The following MAF variants were observed in gnomAD, a reference collection of about 807,000 sequenced individuals.
The protein encoded by MAF is MAF bZIP transcription factor, also known as transcription factor Maf.
MAF carries 10 observed loss-of-function variants against 22.0 expected under a neutral mutation model. The observed-to-expected ratio is 0.45, with a 90% CI of 0.28 to 0.77. The LOEUF (loss-of-function observed/expected upper bound fraction) is 0.77. MAF is among the 30% of genes least tolerant of loss of function. MAF has a pLI of 0.12. For synonymous variants in MAF, 337 were observed against 255.8 expected, an observed-to-expected ratio of 1.32 and a Z score of -3.03; for missense variants, 544 against 548.4, an observed-to-expected ratio of 0.99 and a Z score of 0.08.
the MAF span, among the ~76,000 whole-genome samples, chr16:79,481,234 GT>G: frequency 0.022 from 3,256 of 148,378 alleles, 123 homozygotes; most frequent in African/African-American, 0.076. Context: ...TTCCACAACA[GT>G]TTTTTTTTTT....
chr16:79,541,806 C>T, the MAF span, among the ~76,000 whole-genome samples: 2 of 152,018 alleles, frequency 1.3e-5, no homozygotes, highest in East Asian at 3.9e-4. Flanking sequence ...AAGGCAGGCA[C>T]CACCACGCCC....
At chr16:79,352,843 A>T in the MAF span, among the ~76,000 whole-genome samples, 1 of 152,216 alleles carries the variant, frequency 6.6e-6, no homozygotes, top group Non-Finnish European at 1.5e-5. Context: ...ACGTCCCTAG[A>T]CATTGCAAAA....
chr16:79,215,997 C>G, the MAF span, among the ~76,000 whole-genome samples: 1 of 152,218 alleles, frequency 6.6e-6, no homozygotes, highest in African/African-American at 2.4e-5. Context: ...ACACATCAAT[C>G]TTATTTCCTT....
chr16:79,460,576 A>C, the MAF span, among the ~76,000 whole-genome samples: 1 of 152,314 alleles, frequency 6.6e-6, no homozygotes, highest in South Asian at 2.1e-4. Context: ...GGGATAAAAA[A>C]ATCCATTTGC....
the MAF span, among the ~76,000 whole-genome samples, chr16:79,548,937 T>A: frequency 6.6e-6 from 1 of 152,210 alleles, no homozygotes; most frequent in Non-Finnish European, 1.5e-5. Context: ...TAGCTAGTTA[T>A]TCTGTGCACC....
chr16:79,551,099 C>A, the MAF span, among the ~76,000 whole-genome samples: 1 of 152,144 alleles, frequency 6.6e-6, no homozygotes, highest in Admixed American at 6.5e-5. Flanking sequence ...AGGACCTCAC[C>A]CTAGTCTCCT....
At chr16:79,410,129 CTG>C in the MAF span, among the ~76,000 whole-genome samples, 5 of 152,216 alleles carry the variant, frequency 3.3e-5, no homozygotes, top group Non-Finnish European at 7.3e-5. Context: ...AGTGTTCAAA[CTG>C]TGTTCAAATA....
the MAF span, among the ~76,000 whole-genome samples, chr16:79,565,362 T>A: frequency 6.6e-6 from 1 of 152,176 alleles, no homozygotes; most frequent in African/African-American, 2.4e-5. Context: ...ATTGACTACC[T>A]GGCCATTTAC....
chr16:79,339,539 G>C, the MAF span, among the ~76,000 whole-genome samples: 1 of 152,164 alleles, frequency 6.6e-6, no homozygotes, highest in Non-Finnish European at 1.5e-5. Flanking sequence ...CAGACTCTTA[G>C]GGGAGAGAGA....
chr16:79,563,250 G>C, the MAF span, among the ~76,000 whole-genome samples: 1 of 152,168 alleles, frequency 6.6e-6, no homozygotes, highest in Non-Finnish European at 1.5e-5. Flanking sequence ...TTAGTGCATC[G>C]TCTCATGTGA....
chr16:79,520,632 G>A, the MAF span, among the ~76,000 whole-genome samples: 1 of 152,270 alleles, frequency 6.6e-6, no homozygotes, highest in Non-Finnish European at 1.5e-5. Flanking sequence ...ATGCTGTTCT[G>A]GCAGTGCTAG....
the MAF span, among the ~76,000 whole-genome samples, chr16:79,384,282 A>G: frequency 6.6e-6 from 1 of 151,944 alleles, no homozygotes; most frequent in African/African-American, 2.4e-5. Context: ...CATCTATACT[A>G]AAAACATAAC....
chr16:79,429,025 T>C, the MAF span, among the ~76,000 whole-genome samples: 132 of 152,172 alleles, frequency 8.7e-4, no homozygotes, highest in African/African-American at 3.1e-3. Context: ...AGTCCATCCT[T>C]GGGCAAGCAT....
chr16:79,233,778 G>A, the MAF span, among the ~76,000 whole-genome samples: 1 of 151,976 alleles, frequency 6.6e-6, no homozygotes, highest in Non-Finnish European at 1.5e-5. Context: ...CGGATCACAA[G>A]GTCAGGAGTT....
At chr16:79,530,814 T>C in the MAF span, among the ~76,000 whole-genome samples, 12 of 152,214 alleles carry the variant, frequency 7.9e-5, no homozygotes, top group African/African-American at 2.7e-4. Flanking sequence ...TTAATTGTTA[T>C]CCTGGAGATA....
the MAF span, among the ~76,000 whole-genome samples, chr16:79,356,439 C>A: frequency 1.3e-5 from 2 of 152,138 alleles, no homozygotes; most frequent in Non-Finnish European, 2.9e-5. Flanking sequence ...TGCTATAGAA[C>A]CTTCCCAGCC....
the MAF span, among the ~76,000 whole-genome samples, chr16:79,524,180 G>A: frequency 1.3e-3 from 198 of 152,244 alleles, 5 homozygotes; most frequent in South Asian, 0.028. Context: ...TCCCTGTTCG[G>A]GTCAGTTTCA....
the MAF span, among the ~76,000 whole-genome samples, chr16:79,218,988 AC>A: frequency 6.6e-6 from 1 of 152,218 alleles, no homozygotes; most frequent in African/African-American, 2.4e-5. Context: ...TTAGCTGGTT[AC>A]TTCTTCCCAG....
At chr16:79,595,398 G>C (rs1275630906) in intron 1 of MAF, 8 of 1,053,140 alleles carry the variant, frequency 7.6e-6, no homozygotes, top group East Asian at 1.1e-4. Flanking sequence ...CTTTCAGTCA[G>C]AGTTGCAATA....
Sources: gnomAD v4.1 joint callset for allele counts (sites outside exome capture counted in the v4.1 genomes callset) on GRCh38, gnomAD v4.1.1 for gene constraint, MANE v1.5 for transcripts, NCBI Gene and HGNC (gene_info 2026-07-23, HGNC 2026-07-21) for gene names.